Variants in RAB8B observed in about 807,000 individuals in gnomAD.
RAB8B encodes RAB8B, member RAS oncogene family.
In RAB8B, 11 loss-of-function variants were observed where a neutral mutation model predicts 32.0. The observed-to-expected ratio is 0.34, with a 90% CI of 0.22 to 0.57. The LOEUF (loss-of-function observed/expected upper bound fraction) is 0.57. Among genes scored for constraint, RAB8B ranks in the 20% least tolerant of loss-of-function variants. RAB8B has a pLI of 0.86. For missense variants in RAB8B, 190 were observed against 258.5 expected, an observed-to-expected ratio of 0.73 and a Z score of 1.82; for synonymous variants, 103 against 89.6, an observed-to-expected ratio of 1.15 and a Z score of -0.85.
intron 1 of RAB8B, among the ~76,000 whole-genome samples, chr15:63,200,741 G>C (rs1016138570): frequency 1.3e-5 from 2 of 152,214 alleles, no homozygotes; most frequent in African/African-American, 4.8e-5. Context: ...TTTGACAGAT[G>C]GTGGGCCTGA....
intron 1 of RAB8B, among the ~76,000 whole-genome samples, chr15:63,228,469 G>A (rs1338732420): frequency 6.6e-6 from 1 of 152,224 alleles, no homozygotes; most frequent in Non-Finnish European, 1.5e-5. Context: ...AATGAATTCT[G>A]CAAATGATGC....
chr15:63,222,788 G>A (rs868711662), intron 1 of RAB8B, among the ~76,000 whole-genome samples: 3 of 152,132 alleles, frequency 2.0e-5, no homozygotes, highest in Admixed American at 6.5e-5. Flanking sequence ...TGATCCTCCC[G>A]CTTTGGCCTC....
rs2037536825 is a variant in RAB8B at position 63,189,676 on chromosome 15, G to T, written c.52G>T (p.Gly18Trp). The change falls in exon 1 of 8, where the codon GGG becomes TGG. Residue 18 changes from glycine to tryptophan, a missense_variant. By Grantham distance (184) the Gly-to-Trp change is radical (BLOSUM62 -2). This residue lies in a region of RAB8B where 80 missense variants were observed against 142.6 expected (regional missense o/e 0.56). Coordinates refer to ENST00000321437, the MANE Select transcript of RAB8B (RefSeq NM_016530.3). ...LFKLLLIGDS[G>W]VGKTCLLFRF... ...CAAGCTCCTGCTGATCGGCGACTCGGGGGTAGGCAAGACCTGCCTCCTGTT... is the reference window on the plus strand; with the variant it reads ...CAAGCTCCTGCTGATCGGCGACTCGTGGGTAGGCAAGACCTGCCTCCTGTT... 2 of 1,614,008 alleles carry T rather than the reference G, an allele frequency of 1.2e-6. No homozygotes were observed. Among genetic ancestry groups the T allele is most frequent in the Non-Finnish European group, 1.7e-6 (2 of 1,179,930 alleles).
rs1038499544 is a variant in RAB8B at position 63,266,292 on chromosome 15, G to A, written c.*2673G>A. On this transcript the variant is annotated 3_prime_UTR_variant, in exon 8 of 8. Transcript: ENST00000321437. ...TTTCAAATAGAGTCTGAGGGTATCA[G>A]ACAGTGAAAATGTGCTGTAACTAAG... The A allele has an allele frequency of 3.3e-5, 5 of 152,582 alleles. No homozygotes were observed. Among genetic ancestry groups the A allele is most frequent in the African/African-American group, 4.8e-5 (2 of 41,452 alleles). 9.5% of individuals were successfully genotyped at this position (152,582 alleles called of 1,614,324 possible).
intron 1 of RAB8B, among the ~76,000 whole-genome samples, chr15:63,197,263 A>G (rs1189938794): frequency 2.0e-5 from 3 of 151,048 alleles, no homozygotes; most frequent in Non-Finnish European, 4.4e-5. Flanking sequence ...TTCTCATCTT[A>G]CAGAAAAAAA....
chr15:63,200,811 T>A (rs2037641609), intron 1 of RAB8B, among the ~76,000 whole-genome samples: 1 of 152,360 alleles, frequency 6.6e-6, no homozygotes, highest in Non-Finnish European at 1.5e-5. Context: ...GCATTTGTTT[T>A]TTAATTTCAA....
chr15:63,201,406 C>A (rs2037649179), intron 1 of RAB8B, among the ~76,000 whole-genome samples: 1 of 152,178 alleles, frequency 6.6e-6, no homozygotes, highest in African/African-American at 2.4e-5. Context: ...AGAGCCACTC[C>A]TGCCCTCCAG....
intron 5 of RAB8B, among the ~76,000 whole-genome samples, chr15:63,258,388 C>T (rs1187227516): frequency 6.6e-6 from 1 of 152,162 alleles, no homozygotes; most frequent in Non-Finnish European, 1.5e-5. Context: ...CAGGCGTGAG[C>T]CACCACACCC....
chr15:63,235,655 A>G lies in RAB8B; in HGVS notation c.125-9101A>G, dbSNP rs192016516. 2.7e-3 allele frequency among the ~76,000 whole-genome samples: 404 copies of G among 150,006 alleles called. 3 individuals carry two copies. Among genetic ancestry groups the G allele is most frequent in the African/African-American group, 8.1e-3 (333 of 41,156 alleles). On this transcript the variant is annotated intron_variant, in intron 1 of 7. Coordinates refer to ENST00000321437, the MANE Select transcript of RAB8B (RefSeq NM_016530.3). Reference sequence around the variant, plus strand: ...TGTTTTATACTGTAATTATACATGGATATATATATAAAAATATACTATATA... The same window carrying G: ...TGTTTTATACTGTAATTATACATGGGTATATATATAAAAATATACTATATA...
rs1025434411 is a variant in RAB8B, at chr15:63,267,695, T to A, written c.*4076T>A. On this transcript the variant is annotated 3_prime_UTR_variant, in exon 8 of 8. Transcript: ENST00000321437. ...GTACTGATACTGATGCTATGTTTTT[T>A]TTAAATGGATTTTATTCCAGGTGAA... 1 of 152,264 alleles carries A rather than the reference T, an allele frequency of 6.6e-6. No homozygotes were observed. Among genetic ancestry groups the A allele is most frequent in the African/African-American group, 2.4e-5 (1 of 41,484 alleles). 9.4% of individuals were successfully genotyped at this position (152,264 alleles called of 1,614,324 possible).
Position 63,264,645 on chromosome 15 carries a change from T to C in RAB8B, c.*1026T>C, listed in dbSNP as rs2038231079. On this transcript the variant is annotated 3_prime_UTR_variant, in exon 8 of 8. Transcript: ENST00000321437. ...TTTTAGTTTGCGGAAACCTTCCCTA[T>C]ATAGAGACAGATTAACTTGTTGATA... The C allele has an allele frequency of 6.6e-6, 1 of 152,258 alleles. No individual in the cohort carries two copies. Among genetic ancestry groups the C allele is most frequent in the Admixed American group, 6.5e-5 (1 of 15,280 alleles). The allele number at this position is 152,258 out of a possible 1,614,324, so 9.4% of individuals were successfully genotyped here. A position where few individuals can be genotyped will look rare whatever the true frequency, so the allele number is the denominator to read the frequency against.
chr15:63,249,439 G>C (rs2038096886), intron 2 of RAB8B, among the ~76,000 whole-genome samples: 1 of 152,042 alleles, frequency 6.6e-6, no homozygotes, highest in Admixed American at 6.5e-5. Flanking sequence ...TTTCACCCAG[G>C]TCATTGTGAG....
chr15:63,243,084 T>C (rs562119394), intron 1 of RAB8B, among the ~76,000 whole-genome samples: 1 of 152,350 alleles, frequency 6.6e-6, no homozygotes, highest in South Asian at 2.1e-4. Flanking sequence ...TAGATTCTCA[T>C]AGGAGTGCAC....
chr15:63,207,243 G>C (rs991261705), intron 1 of RAB8B, among the ~76,000 whole-genome samples: 1 of 152,170 alleles, frequency 6.6e-6, no homozygotes, highest in Non-Finnish European at 1.5e-5. Context: ...GCACATATCA[G>C]ATCCATTATG....
At chr15:63,226,029 C>T (rs1160743398) in intron 1 of RAB8B, among the ~76,000 whole-genome samples, 3 of 151,932 alleles carry the variant, frequency 2.0e-5, no homozygotes, top group Non-Finnish European at 4.4e-5. Flanking sequence ...TCTGTAGAGA[C>T]GGGATTTTGC....
At chr15:63,229,320 C>G (rs2037914907) in intron 1 of RAB8B, among the ~76,000 whole-genome samples, 4 of 152,214 alleles carry the variant, frequency 2.6e-5, no homozygotes. Context: ...CCCTTCGGGG[C>G]TCAAGTTCAG....
At chr15:63,218,754 T>G (rs142843468) in intron 1 of RAB8B, among the ~76,000 whole-genome samples, 2 of 152,328 alleles carry the variant, frequency 1.3e-5, no homozygotes, top group East Asian at 3.9e-4. Flanking sequence ...GGCAATGTCA[T>G]ATTCAAAATA....
chr15:63,200,740 T>C (rs2037640833), intron 1 of RAB8B, among the ~76,000 whole-genome samples: 1 of 151,960 alleles, frequency 6.6e-6, no homozygotes, highest in African/African-American at 2.4e-5. Flanking sequence ...ATTTGACAGA[T>C]GGTGGGCCTG....
chr15:63,216,978 T>C (rs544448414), intron 1 of RAB8B, among the ~76,000 whole-genome samples: 23 of 152,266 alleles, frequency 1.5e-4, no homozygotes, highest in African/African-American at 5.5e-4. Context: ...TAGAGAGAAG[T>C]TGGCCTCTGA....
Sources: allele counts gnomAD v4.1 joint callset (sites outside exome capture counted in the v4.1 genomes callset), GRCh38; gene constraint gnomAD v4.1.1; regional missense constraint gnomAD v4.1.1; transcripts MANE v1.5; gene names NCBI Gene and HGNC (gene_info 2026-07-23, HGNC 2026-07-21).